Variants in BTNL3 observed in about 807,000 individuals in gnomAD.
BTNL3 encodes butyrophilin-like protein 3.
In BTNL3, 20 loss-of-function variants were observed where a neutral mutation model predicts 40.1. That is an observed-to-expected ratio of 0.50 (90% CI 0.35 to 0.72). BTNL3 has a LOEUF of 0.72. Among genes scored for constraint, BTNL3 ranks in the 30% least tolerant of loss-of-function variants. The pLI is 0.01. For missense variants in BTNL3, 449 were observed against 582.2 expected (o/e 0.77, Z 2.35); for synonymous variants, 179 against 222.1 (o/e 0.81, Z 1.73).
Position 180,992,832 on chromosome 5 carries a change from A to G in BTNL3, c.69A>G (p.Gly23=). ...CTATAGGACAGTGGCAAGTCACTGG[A>G]CCGGGCAAGTTTGTCCAGGCCTTGG... ...ELVSGQWQVT[G]PGKFVQALVG... Residue 23 remains glycine (G), a synonymous_variant, in exon 2 of 8, where the codon GGA becomes GGG. Coordinates refer to ENST00000342868, the MANE Select transcript of BTNL3 (RefSeq NM_197975.3). 1.4e-6 allele frequency: 2 copies of G among 1,462,942 alleles called. No individual in the cohort carries two copies. Among genetic ancestry groups the G allele is most frequent in the African/African-American group, 1.4e-5 (1 of 72,556 alleles). The allele number at this position is 1,462,942 out of a possible 1,614,324, so 90.6% of individuals were successfully genotyped here.
At position 180,993,206 on chromosome 5, in the gene BTNL3, C is replaced by A. The variant is rs760652183; in HGVS notation, c.397+46C>A. ...TGAGTTGTCTTGTAAAGTCATGCTA[C>A]CATTATCAGCTCTTAAAAGTATTTC... On this transcript the variant is annotated intron_variant, in intron 2 of 7. Coordinates refer to ENST00000342868, the MANE Select transcript of BTNL3 (RefSeq NM_197975.3). 2.9e-6 allele frequency: 4 copies of A among 1,391,798 alleles called. 1 individual carries two copies. The highest frequency in any genetic ancestry group is 2.9e-6 in the Non-Finnish European group (3 of 1,023,630). The allele number at this position is 1,391,798 out of a possible 1,614,324, so 86.2% of individuals were successfully genotyped here. A position where few individuals can be genotyped will look rare whatever the true frequency, so the allele number is the denominator to read the frequency against.
At chr5:180,991,995 C>T (rs560509418) in intron 1 of BTNL3, among the ~76,000 whole-genome samples, 2 of 137,508 alleles carry the variant, frequency 1.5e-5, no homozygotes, top group African/African-American at 2.5e-5. Flanking sequence ...TATTCAAAGC[C>T]GTCCTGAGTC....
At position 181,005,636 on chromosome 5, in the gene BTNL3, T is replaced by C. The variant is rs748878128; in HGVS notation, c.1165T>C (p.Phe389Leu). 6.2e-7 allele frequency: 1 copy of C among 1,613,992 alleles called. No individual in the cohort carries two copies. The highest frequency in any genetic ancestry group is 8.5e-7 in the Non-Finnish European group (1 of 1,179,962). ...CAGACTGACAACAGAACATTTGTAT[T>C]TCACATTCAATCCCCATTTTATCAG... ...VLRLTTEHLY[F>L]TFNPHFISLP... The change falls in exon 8 of 8, where the codon TTC becomes CTC. Residue 389 changes from phenylalanine to leucine, a missense_variant. Transcript: ENST00000342868.
chr5:180,998,486 C>T (rs553049479), intron 3 of BTNL3, among the ~76,000 whole-genome samples: 1 of 136,428 alleles, frequency 7.3e-6, no homozygotes, highest in Non-Finnish European at 1.7e-5. Context: ...TCTGAAATAA[C>T]GTATTTTTGG....
chr5:181,001,500 T>TG (rs200023935), intron 3 of BTNL3, among the ~76,000 whole-genome samples: 25,632 of 116,210 alleles, frequency 0.22, 5,631 homozygotes, highest in South Asian at 0.3. Flanking sequence ...TTTTTATAGA[T>TG]GGGGGGGGGT....
At position 180,997,036 on chromosome 5, in the gene BTNL3, G is replaced by C. The variant is rs1475963226; in HGVS notation, c.398-177G>C. On this transcript the variant is annotated intron_variant, in intron 2 of 7. Transcript: ENST00000342868. The stretch of plus-strand genomic sequence containing the variant: ...TGAGTGGATGTGTGTGTAAGAGAGA[G>C]AGAGAGAAAAAGATGTGTGTGTAAG... 1.5e-5 allele frequency among the ~76,000 whole-genome samples: 2 copies of C among 136,700 alleles called. 1 individual carries two copies. 89.7% of individuals were successfully genotyped at this position (136,700 alleles called of 152,430 possible).
intron 3 of BTNL3, among the ~76,000 whole-genome samples, chr5:180,998,982 C>A (rs1760070666): frequency 7.4e-6 from 1 of 135,988 alleles, no homozygotes; most frequent in South Asian, 2.2e-4. Context: ...CAAAAATTAG[C>A]CGGGTGTGGT....
Sources: gnomAD v4.1 joint callset for allele counts (sites outside exome capture counted in the v4.1 genomes callset) on GRCh38, gnomAD v4.1.1 for gene constraint, MANE v1.5 for transcripts, NCBI Gene and HGNC (gene_info 2026-07-23, HGNC 2026-07-21) for gene names.